The following CDH10 variants were observed in gnomAD, a reference collection of about 807,000 sequenced individuals.
CDH10 encodes cadherin 10.
In CDH10, 30 loss-of-function variants were observed where a neutral mutation model predicts 73.1. The ratio of observed to expected loss-of-function variants is 0.41; its 90% CI spans 0.31 to 0.56. The LOEUF (loss-of-function observed/expected upper bound fraction) is 0.56. Ranked by LOEUF, CDH10 falls within the 20% of genes least tolerant of loss-of-function variation. The probability of loss-of-function intolerance (pLI) is 0.27; values close to 1 mark genes in which losing one functional copy is unlikely to be tolerated. For synonymous variants in CDH10, 345 were observed against 348.2 expected (o/e 0.99, Z 0.10); for missense variants, 815 against 973.7 (o/e 0.84, Z 2.17).
intron 2 of CDH10, among the ~76,000 whole-genome samples, chr5:24,565,187 G>C (rs1040253066): frequency 2.0e-5 from 3 of 152,156 alleles, no homozygotes; most frequent in Non-Finnish European, 4.4e-5. Flanking sequence ...AAGAAAAAGG[G>C]AGGAGGAAAG....
chr5:24,597,362 T>TC (rs1393425481), intron 1 of CDH10, among the ~76,000 whole-genome samples: 3 of 152,106 alleles, frequency 2.0e-5, no homozygotes, highest in African/African-American at 7.2e-5. Context: ...GCTGTAGACC[T>TC]CCCTCAGACC....
chr5:24,551,002 C>T lies in CDH10; in HGVS notation c.232-13328G>A, dbSNP rs1335072673. 2.6e-5 allele frequency among the ~76,000 whole-genome samples: 4 copies of T among 152,246 alleles called. No homozygotes were observed. In the Middle Eastern group the frequency reaches 0.01, roughly 388 times the overall value. The stretch of plus-strand genomic sequence containing the variant: ...ATGATGATTTTTAAATGCATTGGCA[C>T]TCCTCTGCTCAAAACCCACCAATGG... On this transcript the variant is annotated intron_variant, in intron 2 of 11. Coordinates refer to ENST00000264463, the MANE Select transcript of CDH10 (RefSeq NM_006727.5).
chr5:24,519,694 A>G (rs1579751742), intron 5 of CDH10, among the ~76,000 whole-genome samples: 1 of 152,222 alleles, frequency 6.6e-6, no homozygotes, highest in Non-Finnish European at 1.5e-5. Context: ...AAGTCTGACA[A>G]TCCCAAGTGT....
chr5:24,499,287 A>T (rs1315513785), intron 8 of CDH10: 2 of 152,612 alleles, frequency 1.3e-5, no homozygotes, highest in African/African-American at 4.8e-5. Context: ...TTGCATTACA[A>T]TCTATTGTCA....
intron 2 of CDH10, among the ~76,000 whole-genome samples, chr5:24,547,902 T>C (rs1744400664): frequency 6.6e-6 from 1 of 152,156 alleles, no homozygotes; most frequent in African/African-American, 2.4e-5. Context: ...CAAGCTTAAG[T>C]GGCAAAACAC....
intron 2 of CDH10, among the ~76,000 whole-genome samples, chr5:24,566,141 C>T (rs1330588266): frequency 7.9e-5 from 12 of 152,162 alleles, no homozygotes; most frequent in Admixed American, 2.0e-4. Context: ...CTCTGTCTTT[C>T]GGGTTAAAGC....
At chr5:24,612,333 G>C (rs1746977455) in intron 1 of CDH10, 1 of 152,160 alleles carries the variant, frequency 6.6e-6, no homozygotes, top group Non-Finnish European at 1.5e-5. Context: ...GCCATAATCA[G>C]TGTGGTTTCA....
At chr5:24,600,250 A>G (rs1049825820) in intron 1 of CDH10, among the ~76,000 whole-genome samples, 2 of 152,190 alleles carry the variant, frequency 1.3e-5, no homozygotes, top group Non-Finnish European at 2.9e-5. Context: ...TTATTGAGCT[A>G]TAATACAGTG....
chr5:24,606,851 G>A (rs946606199), intron 1 of CDH10, among the ~76,000 whole-genome samples: 4 of 152,026 alleles, frequency 2.6e-5, no homozygotes, highest in African/African-American at 9.7e-5. Flanking sequence ...ATTTAAAAAT[G>A]TTATTTAGAT....
chr5:24,573,888 A>T (rs955488415), intron 2 of CDH10, among the ~76,000 whole-genome samples: 38 of 148,228 alleles, frequency 2.6e-4, no homozygotes, highest in South Asian at 1.1e-3. Flanking sequence ...TTATATAAAA[A>T]ATATATATAT....
chr5:24,560,224 G>C (rs868164589), intron 2 of CDH10, among the ~76,000 whole-genome samples: 1 of 149,858 alleles, frequency 6.7e-6, no homozygotes, highest in Non-Finnish European at 1.5e-5. Flanking sequence ...GTGTGTGTGT[G>C]TGTGTGTGTG....
chr5:24,533,699 T>C (rs965194821), intron 5 of CDH10, among the ~76,000 whole-genome samples: 1 of 152,060 alleles, frequency 6.6e-6, no homozygotes, highest in Admixed American at 6.6e-5. Flanking sequence ...ACTTGTAAAA[T>C]GTGAAATTTA....
intron 9 of CDH10, among the ~76,000 whole-genome samples, chr5:24,494,474 T>C (rs1018197347): frequency 1.3e-5 from 2 of 151,952 alleles, no homozygotes; most frequent in Admixed American, 1.3e-4. Context: ...GTCATTAAGA[T>C]TAATATTTTA....
intron 1 of CDH10, among the ~76,000 whole-genome samples, chr5:24,607,050 G>A (rs1292765187): frequency 1.3e-5 from 2 of 152,072 alleles, no homozygotes. Context: ...AACCTCATCA[G>A]AACTTTATTT....
At chr5:24,604,748 C>T (rs890787427) in intron 1 of CDH10, among the ~76,000 whole-genome samples, 6 of 151,934 alleles carry the variant, frequency 3.9e-5, no homozygotes, top group African/African-American at 1.5e-4. Flanking sequence ...GTGGCAGGTG[C>T]CTTAATCCCA....
At chr5:24,592,609 ATCC>A (rs1424402125) in intron 2 of CDH10, among the ~76,000 whole-genome samples, 1 of 151,784 alleles carries the variant, frequency 6.6e-6, no homozygotes, top group African/African-American at 2.4e-5. Context: ...ACAACTAATT[ATCC>A]TCACTAACTT....
In CDH10 at chr5:24,509,557, C is replaced by T. The variant is rs1579736083; in HGVS notation, c.1256+9G>A. The T allele has an allele frequency of 1.2e-6, 2 of 1,612,158 alleles. No homozygotes were observed. The highest frequency in any genetic ancestry group is 1.7e-6 in the Non-Finnish European group (2 of 1,179,150). On this transcript the variant is annotated intron_variant, in intron 7 of 11. Coordinates refer to ENST00000264463, the MANE Select transcript of CDH10 (RefSeq NM_006727.5). The stretch of plus-strand genomic sequence containing the variant: ...CCCGGCTGTTTTCATTTTTAAAAGG[C>T]ACACTTACCTAATGGGGCTGGAAAT...
chr5:24,605,924 C>A (rs112121193), intron 1 of CDH10, among the ~76,000 whole-genome samples: 2 of 152,106 alleles, frequency 1.3e-5, no homozygotes, highest in African/African-American at 2.4e-5. Flanking sequence ...AATTGACACA[C>A]GGATGAATCT....
chr5:24,595,082 A>T (rs975270), intron 1 of CDH10, among the ~76,000 whole-genome samples: 94,553 of 151,696 alleles, frequency 0.62, 29,609 homozygotes, highest in East Asian at 0.79. Context: ...TTCACTTATA[A>T]TATTGTGAAC....
Sources: allele counts gnomAD v4.1 joint callset (sites outside exome capture counted in the v4.1 genomes callset), GRCh38; gene constraint gnomAD v4.1.1; transcripts MANE v1.5; gene names NCBI Gene and HGNC (gene_info 2026-07-23, HGNC 2026-07-21).